ANXA6: variants seen among roughly 807,000 people sequenced by gnomAD.
ANXA6 encodes annexin A6.
In ANXA6, 71 loss-of-function variants were observed where a neutral mutation model predicts 95.4. The ratio of observed to expected loss-of-function variants is 0.74; its 90% confidence interval spans 0.61 to 0.91. The LOEUF (loss-of-function observed/expected upper bound fraction) is 0.91, where lower values mean the gene tolerates loss of function less well. Among genes scored for constraint, ANXA6 ranks in the 40% least tolerant of loss-of-function variants. The pLI is 0.00. For synonymous variants in ANXA6, 289 were observed against 315.9 expected, an observed-to-expected ratio of 0.91 and a Z score of 0.90; for missense variants, 830 against 876.4, an observed-to-expected ratio of 0.95 and a Z score of 0.67.
intron 23 of ANXA6, among the ~76,000 whole-genome samples, chr5:151,106,120 C>A (rs1031971868): frequency 1.3e-5 from 2 of 152,088 alleles, no homozygotes; most frequent in Non-Finnish European, 2.9e-5. Flanking sequence ...TTCCCCAGGG[C>A]CTGAACAATC....
chr5:151,149,752 G>A (rs1313978591), intron 1 of ANXA6, among the ~76,000 whole-genome samples: 1 of 152,124 alleles, frequency 6.6e-6, no homozygotes, highest in Non-Finnish European at 1.5e-5. Flanking sequence ...TCAAAGTGCT[G>A]GGATTATAGG....
intron 13 of ANXA6, 42 bp from the exon 14 acceptor site, chr5:151,126,522 A>C: frequency 3.4e-5 from 51 of 1,488,216 alleles, no homozygotes; most frequent in Non-Finnish European, 4.3e-5. Flanking sequence ...AAGGAATGTC[A>C]TCATGGGCAA....
intron 13 of ANXA6, among the ~76,000 whole-genome samples, chr5:151,127,494 CCTT>C (rs1379633093): frequency 6.6e-6 from 1 of 152,210 alleles, no homozygotes; most frequent in African/African-American, 2.4e-5. Flanking sequence ...TCAGGCCACT[CCTT>C]CTCACTCCTC....
chr5:151,100,825 G>T lies in ANXA6; in HGVS notation c.*623C>A. 2 of 446,318 alleles carry T rather than the reference G, an allele frequency of 4.5e-6. No homozygotes were observed. The highest frequency in any genetic ancestry group is 2.0e-5 in the African/African-American group (1 of 49,374). The allele number at this position is 446,318 out of a possible 1,614,324, so 27.6% of individuals were successfully genotyped here. ...TTAGAAGGGAAGCCAAGATTTTTTT[G>T]TCCAACTGTCTCATTGTAGATAAGA... On this transcript the variant is annotated 3_prime_UTR_variant, in exon 26 of 26. Coordinates refer to ENST00000354546, the MANE Select transcript of ANXA6 (RefSeq NM_001155.5).
chr5:151,148,070 A>G (rs74469831), intron 1 of ANXA6, 144 bp from the exon 2 acceptor site: 12,232 of 740,130 alleles, frequency 0.017, 162 homozygotes, highest in Non-Finnish European at 0.02. Context: ...CTCAAGGCCA[A>G]TCACATTTTT....
At chr5:151,138,051 C>T (rs1561581501) in intron 5 of ANXA6, among the ~76,000 whole-genome samples, 1 of 152,158 alleles carries the variant, frequency 6.6e-6, no homozygotes, top group East Asian at 1.9e-4. Context: ...TCTCACATTG[C>T]TAAGTGCATC....
chr5:151,129,701 G>GTTTA (rs1554085370), intron 11 of ANXA6, among the ~76,000 whole-genome samples, 172 bp from the exon 12 acceptor site: 1 of 148,934 alleles, frequency 6.7e-6, no homozygotes, highest in South Asian at 2.1e-4. Flanking sequence ...TTACTGTTTT[G>GTTTA]TTTGTTTGTT....
At chr5:151,151,482 A>C (rs994286249) in intron 1 of ANXA6, 1 of 152,164 alleles carries the variant, frequency 6.6e-6, no homozygotes, top group African/African-American at 2.4e-5. Context: ...ACAAGTCCCC[A>C]CACAACTGTG....
At position 151,136,237 on chromosome 5, in the gene ANXA6, A is replaced by C. The variant is rs370790179; in HGVS notation, c.489+19T>G. 405 of 1,613,360 alleles carry C rather than the reference A, an allele frequency of 2.5e-4. No homozygotes were observed. Among genetic ancestry groups the C allele is most frequent in the Non-Finnish European group, 3.3e-4 (392 of 1,179,498 alleles). ...AGCTATCCCAAGCTCCAGAGGAAAA[A>C]AATAGGCTGTGAACCAACCTGGAGC... On this transcript the variant is annotated intron_variant, in intron 7 of 25. Transcript: ENST00000354546.
At chr5:151,149,893 A>G (rs1202761156) in intron 1 of ANXA6, among the ~76,000 whole-genome samples, 2 of 152,114 alleles carry the variant, frequency 1.3e-5, no homozygotes, top group African/African-American at 4.8e-5. Flanking sequence ...CCAAGCGGCA[A>G]GGACCACCTG....
At chr5:151,134,563 G>A (rs1765605395) in intron 7 of ANXA6, 80 bp from the exon 8 acceptor site, 2 of 1,461,708 alleles carry the variant, frequency 1.4e-6, no homozygotes, top group African/African-American at 1.4e-5. Context: ...GTGGAGACAG[G>A]GAAAGCAGGA....
Position 151,105,299 on chromosome 5 carries a change from T to C in ANXA6, c.1785A>G (p.Gln595=). The C allele has an allele frequency of 1.2e-6, 2 of 1,613,882 alleles. No individual in the cohort carries two copies. The highest frequency in any genetic ancestry group is 1.7e-6 in the Non-Finnish European group (2 of 1,179,806). ...AGAAGAGAGGCTTGTTCTTGACACT[T>C]TGAACTGGTAGGAAGAGCAGAGAGA... ...DVRDAFVAIV[Q]SVKNKPLFFA... The change falls in exon 24 of 26, where the codon CAA becomes CAG. Residue 595 remains glutamine (Q), a synonymous_variant. Transcript: ENST00000354546.
intron 2 of ANXA6, among the ~76,000 whole-genome samples, chr5:151,141,093 C>T (rs1359257649): frequency 5.9e-5 from 9 of 152,226 alleles, no homozygotes; most frequent in Admixed American, 6.5e-5. Context: ...AGGAGAGAAG[C>T]GGCAGAGAGC....
chr5:151,144,947 G>A lies in ANXA6; in HGVS notation c.18+2937C>T, dbSNP rs554483365. 1.5e-4 allele frequency among the ~76,000 whole-genome samples: 23 copies of A among 152,158 alleles called. No individual in the cohort carries two copies. The South Asian group carries it at 4.4e-3, about 29-fold the overall frequency. ...ATCATCCAGGCCCAGGCTTCCCACC[G>A]TGTCATTCTCACACCAACTTCATGA... On this transcript the variant is annotated intron_variant, in intron 2 of 25. Transcript: ENST00000354546.
chr5:151,134,090 T>C (rs976499327), intron 8 of ANXA6, among the ~76,000 whole-genome samples: 1 of 152,208 alleles, frequency 6.6e-6, no homozygotes, highest in African/African-American at 2.4e-5. Flanking sequence ...TCTCTCCCGG[T>C]ACCACTTGAT....
At chr5:151,111,243 C>A (rs77067639) in intron 20 of ANXA6, among the ~76,000 whole-genome samples, 1,590 of 152,274 alleles carry the variant, frequency 0.01, 23 homozygotes, top group East Asian at 0.068. Flanking sequence ...CTATGCAGAG[C>A]ACAAAATTCT....
chr5:151,111,731 G>A (rs1764855340), intron 20 of ANXA6, among the ~76,000 whole-genome samples: 1 of 146,452 alleles, frequency 6.8e-6, no homozygotes, highest in Non-Finnish European at 1.5e-5. Context: ...TGGGACTACA[G>A]GTGTGTGCCA....
intron 4 of ANXA6, chr5:151,139,090 G>A: frequency 1.7e-6 from 1 of 587,038 alleles, no homozygotes; most frequent in Admixed American, 3.1e-5. Context: ...TCACTATCTG[G>A]CAGTCCACAG....
At chr5:151,152,059 T>G (rs1311124182) in intron 1 of ANXA6, among the ~76,000 whole-genome samples, 1 of 152,218 alleles carries the variant, frequency 6.6e-6, no homozygotes, top group African/African-American at 2.4e-5. Flanking sequence ...AAGGAACGGC[T>G]CACCACTGCC....
Sources: gnomAD v4.1 joint callset for allele counts (sites outside exome capture counted in the v4.1 genomes callset) on GRCh38, gnomAD v4.1.1 for gene constraint, MANE v1.5 for transcripts, NCBI Gene and HGNC (gene_info 2026-07-23, HGNC 2026-07-21) for gene names.